The following TCF4 variants were observed in gnomAD, a reference collection of about 807,000 sequenced individuals.
TCF4 encodes transcription factor 4.
TCF4 carries 3 observed loss-of-function variants against 82.1 expected under a neutral mutation model. The observed-to-expected ratio is 0.04, with a 90% confidence interval of 0.02 to 0.09. TCF4 has a LOEUF of 0.09. TCF4 is among the 10% of genes least tolerant of loss of function. The pLI is 1.00. For missense variants in TCF4, 518 were observed against 852.7 expected (o/e 0.61, Z 4.89); for synonymous variants, 276 against 309.6 (o/e 0.89, Z 1.14).
intron 3 of TCF4, among the ~76,000 whole-genome samples, chr18:55,584,319 A>T (rs1219374085): frequency 1.3e-5 from 2 of 152,168 alleles, no homozygotes; most frequent in African/African-American, 4.8e-5. Flanking sequence ...AGTCTGACTT[A>T]AGAATAGTAC....
intron 2 of TCF4, among the ~76,000 whole-genome samples, chr18:55,607,720 C>T (rs766689981): frequency 1.3e-5 from 2 of 152,114 alleles, no homozygotes; most frequent in Non-Finnish European, 2.9e-5. Flanking sequence ...AAGGTTGTTG[C>T]GGATCCAAAT....
At chr18:55,325,651 A>G (rs982943975) in intron 8 of TCF4, among the ~76,000 whole-genome samples, 2 of 152,176 alleles carry the variant, frequency 1.3e-5, no homozygotes, top group Non-Finnish European at 2.9e-5. Flanking sequence ...GAACAACTCC[A>G]TGTTTCTGTT....
intron 3 of TCF4, among the ~76,000 whole-genome samples, chr18:55,504,712 C>G (rs994960130): frequency 3.9e-5 from 6 of 152,342 alleles, no homozygotes; most frequent in African/African-American, 1.2e-4. Flanking sequence ...CTGCCCCTCT[C>G]TGCATCTGCC....
intron 5 of TCF4, among the ~76,000 whole-genome samples, chr18:55,451,273 C>T (rs759369563): frequency 6.6e-6 from 1 of 152,184 alleles, no homozygotes; most frequent in Non-Finnish European, 1.5e-5. Context: ...AATGCCCTAA[C>T]AGTTACACAG....
intron 2 of TCF4, among the ~76,000 whole-genome samples, chr18:55,603,845 T>C (rs1018166877): frequency 2.0e-5 from 3 of 152,122 alleles, no homozygotes; most frequent in Non-Finnish European, 4.4e-5. Flanking sequence ...TGGCACAGCA[T>C]GGGAACAATT....
intron 3 of TCF4, among the ~76,000 whole-genome samples, chr18:55,582,200 T>C (rs2097581741): frequency 6.6e-6 from 1 of 152,122 alleles, no homozygotes. Flanking sequence ...ATGATTTTCT[T>C]TTTTTGGTAA....
intron 8 of TCF4, among the ~76,000 whole-genome samples, chr18:55,323,509 T>C (rs114234977): frequency 1.0e-3 from 159 of 152,250 alleles, no homozygotes; most frequent in African/African-American, 2.6e-3. Context: ...GCCCAGAGGT[T>C]TGTCTAACTC....
At chr18:55,351,245 T>C in intron 6 of TCF4, 1 of 460,420 alleles carries the variant, frequency 2.2e-6, no homozygotes, top group Non-Finnish European at 3.9e-6. Context: ...CAATATTTTT[T>C]TAAGTCTTTT....
intron 3 of TCF4, among the ~76,000 whole-genome samples, chr18:55,584,937 T>C (rs2097623119): frequency 6.6e-6 from 1 of 152,064 alleles, no homozygotes; most frequent in South Asian, 2.1e-4. Flanking sequence ...ATGTTAGAGA[T>C]TTTTTCCCCT....
intron 8 of TCF4, among the ~76,000 whole-genome samples, chr18:55,313,742 T>C (rs891688052): frequency 5.9e-5 from 9 of 152,078 alleles, no homozygotes; most frequent in Non-Finnish European, 1.3e-4. Flanking sequence ...AGAAATGATA[T>C]TGCATGATTA....
intron 8 of TCF4, among the ~76,000 whole-genome samples, chr18:55,288,567 C>T (rs2064251474): frequency 6.6e-6 from 1 of 152,184 alleles, no homozygotes; most frequent in African/African-American, 2.4e-5. Context: ...CTCATGGACT[C>T]CTACCAAAAC....
chr18:55,287,940 A>AG (rs1354559932), intron 8 of TCF4, among the ~76,000 whole-genome samples: 3 of 149,828 alleles, frequency 2.0e-5, no homozygotes, highest in South Asian at 4.1e-4. Context: ...GAAATTTACA[A>AG]GGGGGAAAAA....
chr18:55,239,500 A>AGTGT (rs59375888), intron 15 of TCF4, among the ~76,000 whole-genome samples: 4 of 151,840 alleles, frequency 2.6e-5, no homozygotes, highest in African/African-American at 9.7e-5. Flanking sequence ...GTTTTAAAAC[A>AGTGT]GTGTGTGTGT....
intron 10 of TCF4, among the ~76,000 whole-genome samples, chr18:55,274,167 C>G (rs537099429): frequency 6.6e-6 from 1 of 152,144 alleles, no homozygotes; most frequent in East Asian, 1.9e-4. Context: ...AAAATTTTAG[C>G]CAAAACGGAT....
intron 3 of TCF4, among the ~76,000 whole-genome samples, chr18:55,536,142 C>T (rs1308689449): frequency 6.6e-6 from 1 of 152,124 alleles, no homozygotes; most frequent in African/African-American, 2.4e-5. Flanking sequence ...TATAGTACTC[C>T]CATTGGCAAA....
At chr18:55,355,256 AAT>A (rs2083215776) in intron 6 of TCF4, among the ~76,000 whole-genome samples, 1 of 152,200 alleles carries the variant, frequency 6.6e-6, no homozygotes, top group South Asian at 2.1e-4. Flanking sequence ...TTAAATGCAA[AAT>A]ACACATTGAG....
At chr18:55,593,705 C>T (rs2097688064) in intron 2 of TCF4, among the ~76,000 whole-genome samples, 1 of 152,096 alleles carries the variant, frequency 6.6e-6, no homozygotes, top group Non-Finnish European at 1.5e-5. Context: ...GCAAATAGCG[C>T]CACAAACAAC....
intron 8 of TCF4, among the ~76,000 whole-genome samples, chr18:55,342,165 G>A (rs2080119646): frequency 6.6e-6 from 1 of 152,070 alleles, no homozygotes; most frequent in African/African-American, 2.4e-5. Context: ...CATCAATATT[G>A]GGTGAAGTTA....
chr18:55,322,450 A>AC, intron 8 of TCF4: 4 of 994,794 alleles, frequency 4.0e-6, no homozygotes, highest in Non-Finnish European at 3.6e-6. Flanking sequence ...AAAAAAAAAA[A>AC]CACCACGTCT....
Sources: gnomAD v4.1 joint callset for allele counts (sites outside exome capture counted in the v4.1 genomes callset) on GRCh38, gnomAD v4.1.1 for gene constraint, MANE v1.5 for transcripts, NCBI Gene and HGNC (gene_info 2026-07-23, HGNC 2026-07-21) for gene names.